Variants in RIN3 observed in about 807,000 individuals in gnomAD.
The protein encoded by RIN3 is RAB5 interacting protein 3.
RIN3 carries 54 observed loss-of-function variants against 76.3 expected under a neutral mutation model. That is an observed-to-expected ratio of 0.71 (90% CI 0.57 to 0.89). The LOEUF is 0.89. Ranked by LOEUF, RIN3 falls within the 40% of genes least tolerant of loss-of-function variation. The probability of loss-of-function intolerance (pLI) is 0.00; values close to 1 mark genes in which losing one functional copy is unlikely to be tolerated. For synonymous variants in RIN3, 576 were observed against 564.0 expected (o/e 1.02, Z -0.30); for missense variants, 1,256 against 1,322.1 (o/e 0.95, Z 0.78).
At chr14:92,535,586 G>A (rs1039438000) in intron 1 of RIN3, among the ~76,000 whole-genome samples, 9 of 151,176 alleles carry the variant, frequency 6.0e-5, no homozygotes, top group African/African-American at 9.7e-5. Flanking sequence ...ATCAGATTAC[G>A]AAGACATTCT....
At position 92,544,005 on chromosome 14, in the gene RIN3, C is replaced by A. The variant is rs565366910; in HGVS notation, c.45-11746C>A. On this transcript the variant is annotated intron_variant, in intron 1 of 9. Coordinates refer to ENST00000216487, the MANE Select transcript of RIN3 (RefSeq NM_024832.5). ...GCCCTAGCTTCCTCCATGAACTGTT[C>A]GTGAAGCCTCCCCACCCCCCCATCT... Among the ~76,000 whole-genome samples, 4 of 152,202 alleles carry A rather than the reference C, an allele frequency of 2.6e-5. No individual in the cohort carries two copies. The South Asian group carries it at 8.3e-4, about 32-fold the overall frequency.
At chr14:92,651,511 G>T in intron 5 of RIN3, 71 bp from the exon 6 acceptor site, 1 of 420,714 alleles carries the variant, frequency 2.4e-6, no homozygotes. Flanking sequence ...CCCGCCCACA[G>T]ACCCCGCCCA....
rs1887273981 is a variant in RIN3 at position 92,648,227 on chromosome 14, C to T, written c.533-3355C>T. On this transcript the variant is annotated intron_variant, in intron 5 of 9. Coordinates refer to ENST00000216487, the MANE Select transcript of RIN3 (RefSeq NM_024832.5). The surrounding 1 kb of genome is among the most constrained non-coding windows in gnomAD (Gnocchi z 4.1). Reference sequence around the variant, plus strand: ...AGTCACATTGGCTTTGAGAACTTTGCCCTGCCAGGGTTTGCCAGGGTGCAA... The same window carrying T: ...AGTCACATTGGCTTTGAGAACTTTGTCCTGCCAGGGTTTGCCAGGGTGCAA... 1.3e-5 allele frequency among the ~76,000 whole-genome samples: 2 copies of T among 152,010 alleles called. No homozygotes were observed. The highest frequency in any genetic ancestry group is 2.9e-5 in the Non-Finnish European group (2 of 68,012).
intron 3 of RIN3, among the ~76,000 whole-genome samples, chr14:92,580,766 T>C (rs140582115): frequency 5.7e-4 from 87 of 152,318 alleles, no homozygotes; most frequent in Middle Eastern, 3.4e-3. Flanking sequence ...TGGAGAAGGC[T>C]TGTGGTCCCG....
chr14:92,519,879 G>A (rs1009112197), intron 1 of RIN3, among the ~76,000 whole-genome samples: 1 of 152,224 alleles, frequency 6.6e-6, no homozygotes, highest in African/African-American at 2.4e-5. Context: ...CAGTGGGAAG[G>A]CATTACTATC....
rs560384364 is a variant in RIN3 at position 92,559,587 on chromosome 14, G to T, written c.249+3632G>T. On this transcript the variant is annotated intron_variant, in intron 2 of 9. Coordinates refer to ENST00000216487, the MANE Select transcript of RIN3 (RefSeq NM_024832.5). ...ATATGAACCGTAAAGGCACCAGGTG[G>T]GGTTAGCTAAGTGCTCTGTGAAAGG... is the stretch of plus-strand genomic sequence containing the variant. 5.4e-4 allele frequency among the ~76,000 whole-genome samples: 82 copies of T among 152,358 alleles called. 1 individual carries two copies. In the Middle Eastern group the frequency reaches 0.01, roughly 19 times the overall value.
chr14:92,543,493 T>C (rs1172885471), intron 1 of RIN3, among the ~76,000 whole-genome samples: 1 of 152,116 alleles, frequency 6.6e-6, no homozygotes. Flanking sequence ...CAAAAGCCTA[T>C]TGTTAACTAT....
At position 92,652,170 on chromosome 14, in the gene RIN3, C is replaced by T. The variant is rs201924771; in HGVS notation, c.1121C>T (p.Pro374Leu). Residue 374 changes from proline (P) to leucine (L), a missense_variant, in exon 6 of 10, where the codon CCG becomes CTG. Around this residue, in one of 3 missense-constraint regions of RIN3, gnomAD observed 610 missense variants for 626.4 expected, o/e 0.97. Transcript: ENST00000216487. The surrounding 1 kb of genome is among the most constrained non-coding windows in gnomAD (Gnocchi z 6.4). ...AGTCCCTTGCAGCAGGTCCCCGCCC[C>T]GCCACTGCCTGCGAAGAAGAACCTT... The part of the protein sequence containing the change: ...ASSPLQQVPA[P>L]PLPAKKNLPT... 1.1e-4 allele frequency: 184 copies of T among 1,601,038 alleles called. No individual in the cohort carries two copies. The highest frequency in any genetic ancestry group is 1.4e-4 in the Non-Finnish European group (165 of 1,172,510).
chr14:92,531,056 A>G (rs1297026318), intron 1 of RIN3, among the ~76,000 whole-genome samples: 1 of 152,064 alleles, frequency 6.6e-6, no homozygotes, highest in African/African-American at 2.4e-5. Context: ...TCCTTACAGC[A>G]TCTTACCTCC....
At chr14:92,577,815 G>A (rs1394761739) in intron 3 of RIN3, among the ~76,000 whole-genome samples, 1 of 152,206 alleles carries the variant, frequency 6.6e-6, no homozygotes, top group Non-Finnish European at 1.5e-5. Context: ...CCTAGTGTCA[G>A]CTCAGCACAC....
At chr14:92,651,218 T>C (rs939375508) in intron 5 of RIN3, among the ~76,000 whole-genome samples, 3 of 152,196 alleles carry the variant, frequency 2.0e-5, no homozygotes, top group Admixed American at 2.0e-4. Context: ...TCCCCTGTGC[T>C]CTCACCATGC....
chr14:92,635,823 A>G (rs959579107), intron 4 of RIN3, among the ~76,000 whole-genome samples: 1 of 152,224 alleles, frequency 6.6e-6, no homozygotes, highest in African/African-American at 2.4e-5. Flanking sequence ...ACTGCACTCC[A>G]GCCTGGGCAA....
chr14:92,581,724 C>T (rs1041961563), intron 3 of RIN3, among the ~76,000 whole-genome samples: 2 of 152,146 alleles, frequency 1.3e-5, no homozygotes, highest in Admixed American at 1.3e-4. Context: ...CCATTAGGCA[C>T]CAATGAAAAA....
At chr14:92,566,697 G>T (rs1897924487) in intron 2 of RIN3, among the ~76,000 whole-genome samples, 2 of 152,182 alleles carry the variant, frequency 1.3e-5, no homozygotes, top group African/African-American at 4.8e-5. Context: ...CGCCCAGAAA[G>T]CTCAGATAGC....
At chr14:92,575,171 T>C (rs1217536428) in intron 2 of RIN3, among the ~76,000 whole-genome samples, 2 of 152,114 alleles carry the variant, frequency 1.3e-5, no homozygotes, top group African/African-American at 4.8e-5. Flanking sequence ...AACTATAGAA[T>C]AACAATGATT....
At chr14:92,584,073 A>T (rs1884672558) in intron 3 of RIN3, among the ~76,000 whole-genome samples, 2 of 152,156 alleles carry the variant, frequency 1.3e-5, no homozygotes, top group Non-Finnish European at 2.9e-5. Context: ...TAAAGTATAC[A>T]GGAGGACGTG....
intron 1 of RIN3, among the ~76,000 whole-genome samples, chr14:92,537,470 G>A (rs370419494): frequency 1.8e-4 from 27 of 151,992 alleles, no homozygotes; most frequent in African/African-American, 6.0e-4. Flanking sequence ...TTGTCTGTGC[G>A]TCATTTTGCA....
intron 6 of RIN3, 64 bp downstream of exon 6, chr14:92,653,139 C>T (rs1887537622): frequency 6.7e-7 from 1 of 1,499,194 alleles, no homozygotes; most frequent in East Asian, 2.4e-5. Flanking sequence ...CTCAGGAACC[C>T]CTTAGGACAA....
At chr14:92,523,273 G>C (rs1443248606) in intron 1 of RIN3, among the ~76,000 whole-genome samples, 1 of 152,094 alleles carries the variant, frequency 6.6e-6, no homozygotes, top group Non-Finnish European at 1.5e-5. Context: ...ACCACTCTTG[G>C]CTAGTTTTTG....
Sources: gnomAD v4.1 joint callset for allele counts (sites outside exome capture counted in the v4.1 genomes callset) on GRCh38, gnomAD v4.1.1 for gene constraint, gnomAD v4.1.1 regional missense constraint, Gnocchi (gnomAD v3.1) non-coding constraint, MANE v1.5 for transcripts, NCBI Gene and HGNC (gene_info 2026-07-23, HGNC 2026-07-21) for gene names.